The following IGF1R variants were observed in gnomAD, a reference collection of about 807,000 sequenced individuals.
The protein encoded by IGF1R is insulin like growth factor 1 receptor.
A neutral mutation model predicts 144.6 loss-of-function variants in IGF1R; 44 were observed. That is an observed-to-expected ratio of 0.30 (90% CI 0.24 to 0.39). IGF1R has a LOEUF of 0.39. Among genes scored for constraint, IGF1R ranks in the 10% least tolerant of loss-of-function variants. IGF1R has a pLI of 1.00. For missense variants in IGF1R, 1,355 were observed against 1,833.7 expected, an observed-to-expected ratio of 0.74 and a Z score of 4.77; for synonymous variants, 795 against 722.8, an observed-to-expected ratio of 1.10 and a Z score of -1.60.
intron 2 of IGF1R, among the ~76,000 whole-genome samples, chr15:98,794,156 A>G (rs2056188039): frequency 6.6e-6 from 1 of 152,180 alleles, no homozygotes; most frequent in African/African-American, 2.4e-5. Context: ...AGTTTACAAG[A>G]TGTCGCACAT....
intron 1 of IGF1R, among the ~76,000 whole-genome samples, chr15:98,701,561 T>C (rs1450238218): frequency 6.6e-6 from 1 of 152,078 alleles, no homozygotes. Flanking sequence ...AGGATGGTCT[T>C]GATCTTCTGA....
intron 2 of IGF1R, among the ~76,000 whole-genome samples, chr15:98,772,049 A>G (rs904733908): frequency 3.3e-5 from 5 of 152,170 alleles, no homozygotes; most frequent in African/African-American, 1.2e-4. Context: ...AAGTGCATAC[A>G]TCCCTTAAGT....
chr15:98,911,891 C>T (rs948473521), intron 7 of IGF1R, among the ~76,000 whole-genome samples: 22 of 152,146 alleles, frequency 1.4e-4, no homozygotes, highest in Non-Finnish European at 2.5e-4. Flanking sequence ...TCTCTGTGTG[C>T]CTCTCCCAAG....
chr15:98,888,112 G>A (rs905386067), intron 2 of IGF1R, among the ~76,000 whole-genome samples: 1 of 152,008 alleles, frequency 6.6e-6, no homozygotes, highest in Non-Finnish European at 1.5e-5. Context: ...CCACAAAACC[G>A]TCCTCGGCAC....
At chr15:98,661,900 G>A (rs1350598408) in intron 1 of IGF1R, among the ~76,000 whole-genome samples, 1 of 151,112 alleles carries the variant, frequency 6.6e-6, no homozygotes, top group Non-Finnish European at 1.5e-5. Context: ...TCTCTCTGGG[G>A]CCTCCAGTCC....
At chr15:98,835,685 C>G (rs2057087385) in intron 2 of IGF1R, among the ~76,000 whole-genome samples, 1 of 152,200 alleles carries the variant, frequency 6.6e-6, no homozygotes, top group African/African-American at 2.4e-5. Flanking sequence ...AATCAAAAGC[C>G]AGACCCTCCT....
intron 2 of IGF1R, among the ~76,000 whole-genome samples, chr15:98,775,979 A>C (rs1440433660): frequency 6.6e-6 from 1 of 152,208 alleles, no homozygotes; most frequent in African/African-American, 2.4e-5. Flanking sequence ...TACAGTGCCT[A>C]GTATTTGCCA....
intron 2 of IGF1R, among the ~76,000 whole-genome samples, chr15:98,855,373 A>G (rs1324581109): frequency 6.6e-6 from 1 of 152,204 alleles, no homozygotes; most frequent in African/African-American, 2.4e-5. Flanking sequence ...TGAGGGAGTT[A>G]TGAGGATTAA....
intron 2 of IGF1R, among the ~76,000 whole-genome samples, chr15:98,877,368 T>G (rs777304065): frequency 5.3e-5 from 8 of 151,892 alleles, no homozygotes; most frequent in Non-Finnish European, 1.2e-4. Context: ...CCACAGGTAA[T>G]GCAGATGGCC....
Position 98,736,892 on chromosome 15 carries a change from G to A in IGF1R, c.640+28785G>A, listed in dbSNP as rs556414651. On this transcript the variant is annotated intron_variant, in intron 2 of 20. Transcript: ENST00000650285. ...CTCCCAAAGTGCTAGGATTACAGGC[G>A]TGAGCCACCGAGCCTGGCTGGTGGG... is the stretch of plus-strand genomic sequence containing the variant. 2.8e-3 allele frequency among the ~76,000 whole-genome samples: 419 copies of A among 152,222 alleles called. 3 individuals carry two copies. Among genetic ancestry groups the A allele is most frequent in the African/African-American group, 9.5e-3 (396 of 41,558 alleles).
chr15:98,823,212 TTC>T lies in IGF1R; in HGVS notation c.641-68111_641-68110del, dbSNP rs2056834001. Among the ~76,000 whole-genome samples the T allele has an allele frequency of 5.3e-5, 8 of 152,362 alleles. No individual in the cohort carries two copies. The South Asian group carries it at 1.7e-3, about 32-fold the overall frequency. On this transcript the variant is annotated intron_variant, in intron 2 of 20. Transcript: ENST00000650285. Reference sequence around the variant, plus strand: ...CATAAGATGTGCTGTTCCTCTCTCTTTCTGTTTGAAAGTGACTTGGCAGGGTG... The same window carrying T: ...CATAAGATGTGCTGTTCCTCTCTCTTTGTTTGAAAGTGACTTGGCAGGGTG...
intron 2 of IGF1R, among the ~76,000 whole-genome samples, chr15:98,710,543 A>G (rs2053968631): frequency 6.6e-6 from 1 of 152,208 alleles, no homozygotes; most frequent in African/African-American, 2.4e-5. Flanking sequence ...ATAGTATAGC[A>G]AAAACTCTGT....
At chr15:98,895,414 A>AT (rs5814910) in intron 3 of IGF1R, among the ~76,000 whole-genome samples, 112 of 150,992 alleles carry the variant, frequency 7.4e-4, no homozygotes, top group Non-Finnish European at 1.3e-3. Flanking sequence ...TTAAAATAAA[A>AT]TTTTTTTTTT....
At chr15:98,838,715 C>T (rs964918645) in intron 2 of IGF1R, among the ~76,000 whole-genome samples, 3 of 152,154 alleles carry the variant, frequency 2.0e-5, no homozygotes, top group Non-Finnish European at 4.4e-5. Flanking sequence ...CCTTTAGAGC[C>T]TCAGAAATGG....
At chr15:98,893,546 T>C (rs1314515141) in intron 3 of IGF1R, 1 of 152,236 alleles carries the variant, frequency 6.6e-6, no homozygotes, top group Non-Finnish European at 1.5e-5. Context: ...TGGAACCAAG[T>C]TGAGGCTCAG....
chr15:98,907,096 C>G (rs1296432983), intron 5 of IGF1R, among the ~76,000 whole-genome samples: 2 of 152,228 alleles, frequency 1.3e-5, no homozygotes, highest in Non-Finnish European at 2.9e-5. Flanking sequence ...AACAGGGCTA[C>G]AGATAGCACT....
intron 19 of IGF1R, among the ~76,000 whole-genome samples, chr15:98,947,205 C>G (rs1396113111): frequency 6.6e-6 from 1 of 152,218 alleles, no homozygotes; most frequent in Non-Finnish European, 1.5e-5. Context: ...TTAAAAAGGA[C>G]CTTGGGTTGG....
At position 98,957,472 on chromosome 15, in the gene IGF1R, A is replaced by G; in HGVS notation, c.*30A>G. ...TGGATCCTGAATCTGTGCAAACAGTAACGTGTGCGCACGCGCAGCGGGGTG... is the reference window on the plus strand; with the variant it reads ...TGGATCCTGAATCTGTGCAAACAGTGACGTGTGCGCACGCGCAGCGGGGTG... On this transcript the variant is annotated 3_prime_UTR_variant, in exon 21 of 21. Coordinates refer to ENST00000650285, the MANE Select transcript of IGF1R (RefSeq NM_000875.5). The G allele has an allele frequency of 6.2e-7, 1 of 1,612,206 alleles. No homozygotes were observed. The highest frequency in any genetic ancestry group is 8.5e-7 in the Non-Finnish European group (1 of 1,179,896).
rs566492461 is a variant in IGF1R at position 98,852,094 on chromosome 15, T to C, written c.641-39231T>C. Among the ~76,000 whole-genome samples, 6 of 152,320 alleles carry C rather than the reference T, an allele frequency of 3.9e-5. No homozygotes were observed. The East Asian group carries it at 1.2e-3, about 29-fold the overall frequency. On this transcript the variant is annotated intron_variant, in intron 2 of 20. Coordinates refer to ENST00000650285, the MANE Select transcript of IGF1R (RefSeq NM_000875.5). ...GGAGGAACTAAATTGCCATTCTCTT[T>C]GGAGACTTTCTAAAACCTAAGACGA...
Sources: gnomAD v4.1 joint callset for allele counts (sites outside exome capture counted in the v4.1 genomes callset) on GRCh38, gnomAD v4.1.1 for gene constraint, MANE v1.5 for transcripts, NCBI Gene and HGNC (gene_info 2026-07-23, HGNC 2026-07-21) for gene names.